Variants in DSCAML1 observed in about 807,000 individuals in gnomAD.
The protein encoded by DSCAML1 is cell adhesion molecule DSCAML1.
DSCAML1 carries 38 observed loss-of-function variants against 200.5 expected under a neutral mutation model. The observed-to-expected ratio is 0.19, with a 90% CI of 0.15 to 0.25. The LOEUF (loss-of-function observed/expected upper bound fraction) is 0.25. Ranked by LOEUF, DSCAML1 falls within the 10% of genes least tolerant of loss-of-function variation. The pLI is 1.00. For synonymous variants in DSCAML1, 1,215 were observed against 1,165.0 expected, an observed-to-expected ratio of 1.04 and a Z score of -0.87; for missense variants, 2,223 against 2,858.8, an observed-to-expected ratio of 0.78 and a Z score of 5.07.
At position 117,546,008 on chromosome 11, in the gene DSCAML1, TC is replaced by T. The variant is rs2050366840; in HGVS notation, c.512-13487del. On this transcript the variant is annotated intron_variant, in intron 3 of 32. Transcript: ENST00000651296. The stretch of plus-strand genomic sequence containing the variant: ...GAATGGATGGATGGGAGGCGGGACC[TC>T]GGCTATGCGAACTTGTGCGAGGCAC... Among the ~76,000 whole-genome samples the T allele has an allele frequency of 2.0e-5, 3 of 152,228 alleles. 1 individual carries two copies. Among genetic ancestry groups the T allele is most frequent in the Non-Finnish European group, 4.4e-5 (3 of 68,046 alleles).
intron 4 of DSCAML1, among the ~76,000 whole-genome samples, chr11:117,527,298 C>T (rs906315649): frequency 6.6e-6 from 1 of 152,108 alleles, no homozygotes; most frequent in African/African-American, 2.4e-5. Flanking sequence ...ATCTCCCCAC[C>T]CTCCTGCCCT....
intron 11 of DSCAML1, among the ~76,000 whole-genome samples, chr11:117,493,612 C>T (rs1421339518): frequency 1.3e-5 from 2 of 151,966 alleles, no homozygotes; most frequent in Non-Finnish European, 2.9e-5. Flanking sequence ...CCGCACCAGG[C>T]CTGGTCCTCT....
intron 3 of DSCAML1, among the ~76,000 whole-genome samples, chr11:117,762,087 C>A (rs1299108790): frequency 6.6e-6 from 1 of 152,222 alleles, no homozygotes; most frequent in Non-Finnish European, 1.5e-5. Context: ...TCGCACTCTG[C>A]TACTTAGCCT....
chr11:117,487,547 T>C (rs957795669), intron 11 of DSCAML1, among the ~76,000 whole-genome samples: 2 of 152,220 alleles, frequency 1.3e-5, no homozygotes, highest in African/African-American at 4.8e-5. Context: ...CACACAGCGA[T>C]GCTGTGAAGG....
intron 3 of DSCAML1, among the ~76,000 whole-genome samples, chr11:117,707,907 G>A (rs1467756175): frequency 6.6e-6 from 1 of 152,232 alleles, no homozygotes; most frequent in Non-Finnish European, 1.5e-5. Context: ...TAAGGTCCTT[G>A]TTCTTATCTT....
At chr11:117,815,614 A>G (rs548127966) in intron 1 of DSCAML1, among the ~76,000 whole-genome samples, 1 of 152,184 alleles carries the variant, frequency 6.6e-6, no homozygotes, top group Non-Finnish European at 1.5e-5. Context: ...TAGAGACAGT[A>G]GCAGCCGCGG....
At chr11:117,430,677 C>T (rs2137056826) in intron 32 of DSCAML1, 45 bp downstream of exon 32, 1 of 1,562,026 alleles carries the variant, frequency 6.4e-7, no homozygotes, top group Non-Finnish European at 8.7e-7. Flanking sequence ...GGGCTGGGGC[C>T]AGGGGGCGGG....
intron 3 of DSCAML1, among the ~76,000 whole-genome samples, chr11:117,723,341 C>A (rs1470804571): frequency 2.0e-5 from 3 of 151,592 alleles, no homozygotes; most frequent in Non-Finnish European, 4.4e-5. Flanking sequence ...TGATCTCGGT[C>A]CATTAGGCAT....
At chr11:117,764,691 G>A (rs780852381) in intron 3 of DSCAML1, among the ~76,000 whole-genome samples, 5 of 152,358 alleles carry the variant, frequency 3.3e-5, no homozygotes, top group East Asian at 3.9e-4. Context: ...CTTCCTGGGC[G>A]CAGGCCCTGG....
At chr11:117,552,037 GACA>G (rs1183909737) in intron 3 of DSCAML1, among the ~76,000 whole-genome samples, 1 of 135,782 alleles carries the variant, frequency 7.4e-6, no homozygotes, top group Non-Finnish European at 1.6e-5. Flanking sequence ...GAAGGTGGGG[GACA>G]GAGTGTGATG....
intron 1 of DSCAML1, among the ~76,000 whole-genome samples, chr11:117,793,658 G>A (rs12271220): frequency 0.24 from 35,816 of 151,954 alleles, 4,432 homozygotes; most frequent in African/African-American, 0.31. Flanking sequence ...GCTCTCCCTG[G>A]GCCAAAGCCC....
At chr11:117,656,520 T>G (rs12803979) in intron 3 of DSCAML1, among the ~76,000 whole-genome samples, 2,728 of 149,474 alleles carry the variant, frequency 0.018, 35 homozygotes, top group South Asian at 0.04. Flanking sequence ...TCTATCTATC[T>G]ATCTATCTAT....
In DSCAML1 at chr11:117,498,802, G is replaced by A. The variant is rs868188616; in HGVS notation, c.2359+5043C>T. On this transcript the variant is annotated intron_variant, in intron 11 of 32. Transcript: ENST00000651296. The surrounding 1 kb of genome is among the most constrained non-coding windows in gnomAD (Gnocchi z 4.0). ...TGGCTGCGCAGCTGGGTGTGTGCTC[G>A]CTGAGGGCACTGGGACCTTATTTTA... 2.6e-5 allele frequency among the ~76,000 whole-genome samples: 4 copies of A among 152,172 alleles called. No individual in the cohort carries two copies. The highest frequency in any genetic ancestry group is 5.9e-5 in the Non-Finnish European group (4 of 68,032).
At chr11:117,606,198 C>A (rs959168299) in intron 3 of DSCAML1, among the ~76,000 whole-genome samples, 2 of 152,160 alleles carry the variant, frequency 1.3e-5, no homozygotes, top group African/African-American at 2.4e-5. Flanking sequence ...AGGGTTCTTT[C>A]TTTCCCTCCT....
chr11:117,488,915 T>A (rs1020808235), intron 11 of DSCAML1, among the ~76,000 whole-genome samples: 5 of 152,238 alleles, frequency 3.3e-5, no homozygotes, highest in Non-Finnish European at 7.3e-5. Context: ...AGTGTATTTC[T>A]TGACGAAGCT....
chr11:117,578,704 G>A (rs2050992956), intron 3 of DSCAML1, among the ~76,000 whole-genome samples: 1 of 152,046 alleles, frequency 6.6e-6, no homozygotes, highest in African/African-American at 2.4e-5. Context: ...TAAAATAAAT[G>A]TTGGTGTGCC....
In DSCAML1 at chr11:117,646,781, T is replaced by A. The variant is rs2052530028; in HGVS notation, c.512-114259A>T. 3.3e-5 allele frequency among the ~76,000 whole-genome samples: 5 copies of A among 151,696 alleles called. 1 individual carries two copies. Among genetic ancestry groups the A allele is most frequent in the Admixed American group, 3.3e-4 (5 of 15,218 alleles). ...CTCCCCAAGAGCTAGCTGTTAAACCTTCACCAGCAGGCCACGGGTATTAAC... is the reference window on the plus strand; with the variant it reads ...CTCCCCAAGAGCTAGCTGTTAAACCATCACCAGCAGGCCACGGGTATTAAC... On this transcript the variant is annotated intron_variant, in intron 3 of 32. Transcript: ENST00000651296.
chr11:117,601,763 A>C (rs1022634381), intron 3 of DSCAML1, among the ~76,000 whole-genome samples: 2 of 152,226 alleles, frequency 1.3e-5, no homozygotes, highest in African/African-American at 4.8e-5. Flanking sequence ...TGGCTTCTCC[A>C]GCAGGAGGGA....
intron 3 of DSCAML1, among the ~76,000 whole-genome samples, chr11:117,649,041 A>ATATATATGTGTGTGTGTGTG (rs768621807): frequency 7.3e-6 from 1 of 137,846 alleles, no homozygotes; most frequent in African/African-American, 2.9e-5. Context: ...CTCCATATAT[A>ATATATATGTGTGTGTGTGTG]TGTGTGTGTG....
Sources: gnomAD v4.1 joint callset for allele counts (sites outside exome capture counted in the v4.1 genomes callset) on GRCh38, gnomAD v4.1.1 for gene constraint, Gnocchi (gnomAD v3.1) non-coding constraint, MANE v1.5 for transcripts, NCBI Gene and HGNC (gene_info 2026-07-23, HGNC 2026-07-21) for gene names.